The following CSMD1 variants were observed in gnomAD, a reference collection of about 807,000 sequenced individuals.
CSMD1 encodes CUB and sushi domain-containing protein 1.
A neutral mutation model predicts 417.5 loss-of-function variants in CSMD1; 213 were observed. The observed-to-expected ratio is 0.51, with a 90% CI of 0.46 to 0.57. CSMD1 has a LOEUF of 0.57. Ranked by LOEUF, CSMD1 falls within the 20% of genes least tolerant of loss-of-function variation. The pLI, the probability that CSMD1 is intolerant of heterozygous loss-of-function variation, is 0.00. For synonymous variants in CSMD1, 2,862 were observed against 1,736.8 expected, an observed-to-expected ratio of 1.65 and a Z score of -16.11; for missense variants, 6,923 against 4,529.7, an observed-to-expected ratio of 1.53 and a Z score of -15.17.
chr8:3,092,719 C>G (rs554935081), intron 47 of CSMD1, among the ~76,000 whole-genome samples: 23 of 152,220 alleles, frequency 1.5e-4, no homozygotes, highest in Admixed American at 1.5e-3. Flanking sequence ...CCCGGCATTG[C>G]CCTCATCACC....
intron 2 of CSMD1, among the ~76,000 whole-genome samples, chr8:4,553,464 T>C (rs1797957198): frequency 6.7e-6 from 1 of 149,894 alleles, no homozygotes; most frequent in Non-Finnish European, 1.5e-5. Flanking sequence ...TTTTTACAAA[T>C]GAAAGCAAAC....
intron 5 of CSMD1, among the ~76,000 whole-genome samples, chr8:3,863,800 A>C (rs1804893251): frequency 6.6e-6 from 1 of 152,174 alleles, no homozygotes; most frequent in Non-Finnish European, 1.5e-5. Context: ...AAAATTCTAC[A>C]ATCTTCTATT....
intron 5 of CSMD1, among the ~76,000 whole-genome samples, chr8:3,898,500 C>A (rs1448123103): frequency 1.3e-5 from 2 of 152,154 alleles, no homozygotes; most frequent in African/African-American, 2.4e-5. Flanking sequence ...ACCTACTGTT[C>A]CAGAGAATAC....
intron 2 of CSMD1, among the ~76,000 whole-genome samples, chr8:4,451,570 A>G (rs1247502135): frequency 6.6e-6 from 1 of 152,156 alleles, no homozygotes; most frequent in Non-Finnish European, 1.5e-5. Flanking sequence ...GATAGAGTGA[A>G]GACAAAGAAA....
chr8:3,496,847 T>C (rs1796384949), intron 10 of CSMD1, among the ~76,000 whole-genome samples: 2 of 152,190 alleles, frequency 1.3e-5, no homozygotes, highest in African/African-American at 4.8e-5. Context: ...AAATTATGTT[T>C]AAATTTTGTT....
intron 3 of CSMD1, among the ~76,000 whole-genome samples, chr8:4,070,112 G>C (rs1433097030): frequency 1.3e-5 from 2 of 151,856 alleles, no homozygotes; most frequent in Non-Finnish European, 2.9e-5. Flanking sequence ...AGATTTTTCA[G>C]TCTTCTTGTA....
chr8:4,273,909 C>A (rs1042233769), intron 3 of CSMD1, among the ~76,000 whole-genome samples: 9 of 152,142 alleles, frequency 5.9e-5, no homozygotes, highest in African/African-American at 2.2e-4. Context: ...TGACTCTCAC[C>A]ATTATCACTG....
chr8:3,474,118 C>G (rs1180966983), intron 11 of CSMD1, among the ~76,000 whole-genome samples: 1 of 152,146 alleles, frequency 6.6e-6, no homozygotes, highest in Non-Finnish European at 1.5e-5. Context: ...CAAGTCATAT[C>G]AATCAGGTTG....
At chr8:2,991,188 A>T (rs537457139) in intron 54 of CSMD1, among the ~76,000 whole-genome samples, 11 of 152,238 alleles carry the variant, frequency 7.2e-5, no homozygotes, top group African/African-American at 2.7e-4. Flanking sequence ...CTTTATGTAG[A>T]AACTACATTA....
intron 3 of CSMD1, among the ~76,000 whole-genome samples, chr8:4,404,890 G>A (rs565313227): frequency 3.4e-4 from 52 of 152,146 alleles, no homozygotes; most frequent in African/African-American, 1.1e-3. Flanking sequence ...CATTTATTTC[G>A]CTCATTGAAT....
chr8:4,431,069 C>G (rs373419672), intron 2 of CSMD1, among the ~76,000 whole-genome samples: 1 of 152,052 alleles, frequency 6.6e-6, no homozygotes. Flanking sequence ...ATTTTATTTT[C>G]TTCTATGATC....
intron 3 of CSMD1, among the ~76,000 whole-genome samples, chr8:4,178,983 G>C (rs533579017): frequency 6.6e-6 from 1 of 151,992 alleles, no homozygotes; most frequent in Non-Finnish European, 1.5e-5. Context: ...AATCAATATC[G>C]TGAAAATGGC....
intron 2 of CSMD1, among the ~76,000 whole-genome samples, chr8:4,446,295 C>G (rs1372645081): frequency 6.6e-6 from 1 of 152,172 alleles, no homozygotes; most frequent in Non-Finnish European, 1.5e-5. Context: ...TGCCCGTAAT[C>G]CTGCTTCTTT....
At chr8:4,860,349 C>G (rs1256990583) in intron 1 of CSMD1, among the ~76,000 whole-genome samples, 1 of 150,138 alleles carries the variant, frequency 6.7e-6, no homozygotes, top group Non-Finnish European at 1.5e-5. Context: ...CAGCATGGCA[C>G]ATGTATACAT....
At chr8:4,662,499 T>C (rs1478583141) in intron 1 of CSMD1, among the ~76,000 whole-genome samples, 2 of 152,232 alleles carry the variant, frequency 1.3e-5, no homozygotes, top group East Asian at 1.9e-4. Flanking sequence ...TGGTGCTTTC[T>C]GGTGGTGAAA....
chr8:4,258,147 G>A (rs1271162117), intron 3 of CSMD1, among the ~76,000 whole-genome samples: 2 of 150,646 alleles, frequency 1.3e-5, no homozygotes, highest in Non-Finnish European at 1.5e-5. Flanking sequence ...GTCTCACCAT[G>A]TTGTTCAGGC....
intron 3 of CSMD1, among the ~76,000 whole-genome samples, chr8:4,386,810 C>T (rs951456142): frequency 6.6e-6 from 1 of 152,074 alleles, no homozygotes. Context: ...ATATTCTGGG[C>T]TCTTGGGATT....
At chr8:3,716,850 C>CATCGG (rs1391261263) in intron 6 of CSMD1, among the ~76,000 whole-genome samples, 2 of 151,602 alleles carry the variant, frequency 1.3e-5, no homozygotes, top group Non-Finnish European at 2.9e-5. Context: ...ACATTATCAT[C>CATCGG]ATCGGAATTA....
intron 2 of CSMD1, among the ~76,000 whole-genome samples, chr8:4,555,050 A>G (rs941447284): frequency 9.2e-5 from 14 of 152,206 alleles, no homozygotes; most frequent in African/African-American, 3.4e-4. Context: ...GAGCCAGCCC[A>G]CGCAATTCCA....
Sources: allele counts gnomAD v4.1 joint callset (sites outside exome capture counted in the v4.1 genomes callset), GRCh38; gene constraint gnomAD v4.1.1; transcripts MANE v1.5; gene names NCBI Gene and HGNC (gene_info 2026-07-23, HGNC 2026-07-21).